Variants in CSMD3 observed in about 807,000 individuals in gnomAD.
CSMD3 encodes CUB and Sushi multiple domains 3.
A neutral mutation model predicts 435.2 loss-of-function variants in CSMD3; 177 were observed. That is an observed-to-expected ratio of 0.41 (90% CI 0.36 to 0.46). CSMD3 has a LOEUF of 0.46. Ranked by LOEUF, CSMD3 falls within the 20% of genes least tolerant of loss-of-function variation. The pLI, the probability that CSMD3 is intolerant of heterozygous loss-of-function variation, is 0.34. For missense variants in CSMD3, 4,265 were observed against 4,504.6 expected (o/e 0.95, Z 1.52); for synonymous variants, 1,656 against 1,520.5 (o/e 1.09, Z -2.07).
In CSMD3 at chr8:112,223,393, G is replaced by A. The variant is rs1812318653; in HGVS notation, c.*1378C>T. 3.9e-6 allele frequency: 1 copy of A among 256,244 alleles called. No individual in the cohort carries two copies. Among genetic ancestry groups the A allele is most frequent in the African/African-American group, 2.2e-5 (1 of 45,664 alleles). The allele number at this position is 256,244 out of a possible 1,614,324, so 15.9% of individuals were successfully genotyped here. Reference sequence around the variant, plus strand: ...CACAGAGTTATCCATATTTGAAAGGGACAACAACAAAGAGTTAACACTGGG... The same window carrying A: ...CACAGAGTTATCCATATTTGAAAGGAACAACAACAAAGAGTTAACACTGGG... On this transcript the variant is annotated 3_prime_UTR_variant, in exon 71 of 71. Transcript: ENST00000297405.
intron 2 of CSMD3, among the ~76,000 whole-genome samples, chr8:113,292,745 A>ATAT (rs1389602860): frequency 6.6e-6 from 1 of 151,832 alleles, no homozygotes; most frequent in Non-Finnish European, 1.5e-5. Context: ...ATTGGAGGTA[A>ATAT]TATTATTAGG....
intron 66 of CSMD3, among the ~76,000 whole-genome samples, chr8:112,240,644 G>C (rs1022364082): frequency 6.6e-6 from 1 of 151,970 alleles, no homozygotes; most frequent in Non-Finnish European, 1.5e-5. Context: ...TGCTCTTATT[G>C]GCAGCTTTTA....
intron 3 of CSMD3, among the ~76,000 whole-genome samples, chr8:113,212,063 T>G (rs1345058351): frequency 1.3e-5 from 2 of 152,168 alleles, no homozygotes; most frequent in African/African-American, 2.4e-5. Context: ...AGCTAGGCAT[T>G]TATACCTTTG....
intron 13 of CSMD3, among the ~76,000 whole-genome samples, chr8:112,724,410 C>A (rs570396855): frequency 1.3e-5 from 2 of 151,986 alleles, no homozygotes; most frequent in African/African-American, 4.8e-5. Flanking sequence ...GACATGTTTT[C>A]AAAGTGAAGC....
intron 6 of CSMD3, 66 bp from the exon 7 acceptor site, chr8:112,976,214 A>T: frequency 6.5e-7 from 1 of 1,537,684 alleles, no homozygotes; most frequent in Non-Finnish European, 8.9e-7. Context: ...TTTTCTGATA[A>T]ATTTAATCAA....
intron 1 of CSMD3, among the ~76,000 whole-genome samples, chr8:113,371,264 T>A (rs144853505): frequency 3.2e-3 from 490 of 152,162 alleles, no homozygotes; most frequent in African/African-American, 0.011. Flanking sequence ...TAAATATTTT[T>A]AAAAAAACAT....
At chr8:112,311,515 G>A (rs1821977899) in intron 49 of CSMD3, among the ~76,000 whole-genome samples, 1 of 152,158 alleles carries the variant, frequency 6.6e-6, no homozygotes, top group Non-Finnish European at 1.5e-5. Flanking sequence ...GGACCTATAT[G>A]CCACAGCCTT....
chr8:112,689,301 T>A lies in CSMD3; in HGVS notation c.2155+567A>T, dbSNP rs1005926357. Among the ~76,000 whole-genome samples, 25 of 152,206 alleles carry A rather than the reference T, an allele frequency of 1.6e-4. No individual in the cohort carries two copies. The East Asian group carries it at 4.8e-3, about 29-fold the overall frequency. On this transcript the variant is annotated intron_variant, in intron 14 of 70. Coordinates refer to ENST00000297405, the MANE Select transcript of CSMD3 (RefSeq NM_198123.2). ...GTGCGTGAATAGGCAATACAAATTA[T>A]ACTTTTGCTGTAGTTAAACTGCAAT...
chr8:113,168,661 G>A lies in CSMD3; in HGVS notation c.709+5061C>T, dbSNP rs117149591. Among the ~76,000 whole-genome samples, 1,460 of 151,220 alleles carry A rather than the reference G, an allele frequency of 9.7e-3. 5 individuals carry two copies. Among genetic ancestry groups the A allele is most frequent in the Middle Eastern group, 0.017 (5 of 286 alleles). On this transcript the variant is annotated intron_variant, in intron 4 of 70. Transcript: ENST00000297405. Reference sequence around the variant, plus strand: ...TCTTAAAATATATTTTCATTTTGGCGAAGTACAATTTATTATTATATTTAA... The same window carrying A: ...TCTTAAAATATATTTTCATTTTGGCAAAGTACAATTTATTATTATATTTAA...
At chr8:112,981,783 C>T (rs1226225497) in intron 6 of CSMD3, among the ~76,000 whole-genome samples, 2 of 151,614 alleles carry the variant, frequency 1.3e-5, no homozygotes, top group African/African-American at 4.8e-5. Flanking sequence ...AATAAACACA[C>T]ATGCCAAGCA....
intron 1 of CSMD3, among the ~76,000 whole-genome samples, chr8:113,370,723 T>G (rs2094341873): frequency 6.6e-6 from 1 of 152,016 alleles, no homozygotes; most frequent in Admixed American, 6.6e-5. Flanking sequence ...TGGCAATAAA[T>G]CTCTTCCATC....
chr8:112,753,332 T>C (rs2132113213), intron 13 of CSMD3, among the ~76,000 whole-genome samples: 1 of 152,282 alleles, frequency 6.6e-6, no homozygotes, highest in South Asian at 2.1e-4. Context: ...GTATAATGCA[T>C]CTATTGCTTT....
At chr8:113,217,166 C>T (rs1195011546) in intron 3 of CSMD3, among the ~76,000 whole-genome samples, 1 of 151,620 alleles carries the variant, frequency 6.6e-6, no homozygotes, top group East Asian at 1.9e-4. Flanking sequence ...TAACTAAGAA[C>T]AAAGCAGTCT....
At chr8:112,414,578 G>C (rs1251637727) in intron 32 of CSMD3, among the ~76,000 whole-genome samples, 1 of 152,152 alleles carries the variant, frequency 6.6e-6, no homozygotes, top group Non-Finnish European at 1.5e-5. Context: ...ACAGTAAATT[G>C]GTACCAGGAG....
chr8:113,142,950 A>C (rs770025869), intron 4 of CSMD3, among the ~76,000 whole-genome samples: 6 of 150,550 alleles, frequency 4.0e-5, no homozygotes, highest in Non-Finnish European at 7.4e-5. Context: ...TCTTAACCTA[A>C]ATCTCACATT....
chr8:112,784,920 ATAG>A (rs1322529380), intron 13 of CSMD3, among the ~76,000 whole-genome samples: 1 of 152,032 alleles, frequency 6.6e-6, no homozygotes, highest in Admixed American at 6.6e-5. Context: ...TACAAGGACA[ATAG>A]TATCCTGATA....
At chr8:112,533,799 C>T (rs1282420619) in intron 27 of CSMD3, among the ~76,000 whole-genome samples, 1 of 152,048 alleles carries the variant, frequency 6.6e-6, no homozygotes, top group African/African-American at 2.4e-5. Context: ...AAGATTGTAT[C>T]CAGCTGCTGC....
intron 10 of CSMD3, among the ~76,000 whole-genome samples, chr8:112,912,418 T>C (rs918818325): frequency 1.3e-5 from 2 of 151,812 alleles, no homozygotes; most frequent in African/African-American, 4.8e-5. Flanking sequence ...TCCTCACCAA[T>C]ACTTAACTCT....
At chr8:112,987,889 TC>T (rs2085312422) in intron 6 of CSMD3, among the ~76,000 whole-genome samples, 1 of 151,924 alleles carries the variant, frequency 6.6e-6, no homozygotes, top group African/African-American at 2.4e-5. Context: ...AGAGTCTAGG[TC>T]CTTTCATGAA....
Sources: allele counts gnomAD v4.1 joint callset (sites outside exome capture counted in the v4.1 genomes callset), GRCh38; gene constraint gnomAD v4.1.1; transcripts MANE v1.5; gene names NCBI Gene and HGNC (gene_info 2026-07-23, HGNC 2026-07-21).